The following WDR35 variants were observed in gnomAD, a reference collection of about 807,000 sequenced individuals.
The protein encoded by WDR35 is WD repeat domain 35.
Under a neutral mutation model 158.3 loss-of-function variants are expected in WDR35, and 118 were observed. The ratio of observed to expected loss-of-function variants is 0.75; its 90% CI spans 0.64 to 0.87. WDR35 has a LOEUF of 0.87. Ranked by LOEUF, WDR35 falls within the 40% of genes least tolerant of loss-of-function variation. WDR35 has a pLI of 0.00. For synonymous variants in WDR35, 448 were observed against 476.1 expected (o/e 0.94, Z 0.77); for missense variants, 1,263 against 1,405.8 (o/e 0.90, Z 1.62).
chr2:19,929,642 A>G (rs1477145322), intron 25 of WDR35, among the ~76,000 whole-genome samples: 2 of 152,242 alleles, frequency 1.3e-5, no homozygotes, highest in Non-Finnish European at 2.9e-5. Flanking sequence ...CAATTACAGT[A>G]TACAAATACC....
intron 5 of WDR35, among the ~76,000 whole-genome samples, 185 bp downstream of exon 5, chr2:19,978,566 A>G (rs771765905): frequency 6.6e-6 from 1 of 152,248 alleles, no homozygotes; most frequent in Non-Finnish European, 1.5e-5. Flanking sequence ...TTGAATATAC[A>G]TAAAAACAGA....
At chr2:19,960,069 C>T (rs1159557278) in intron 11 of WDR35, among the ~76,000 whole-genome samples, 1 of 151,994 alleles carries the variant, frequency 6.6e-6, no homozygotes, top group African/African-American at 2.4e-5. Context: ...TTAATAGACT[C>T]ATTTCATTAG....
At chr2:19,963,397 A>G (rs1572351862) in intron 10 of WDR35, among the ~76,000 whole-genome samples, 1 of 152,104 alleles carries the variant, frequency 6.6e-6, no homozygotes. Context: ...TTAGTCTTCT[A>G]TGGGCTTATT....
intron 2 of WDR35, among the ~76,000 whole-genome samples, chr2:19,986,629 G>A (rs1388825980): frequency 2.0e-5 from 3 of 152,332 alleles, no homozygotes; most frequent in East Asian, 3.9e-4. Flanking sequence ...GAGAGAAAAG[G>A]AGAGAGGACT....
intron 11 of WDR35, among the ~76,000 whole-genome samples, chr2:19,959,600 A>T (rs2103434468): frequency 6.6e-6 from 1 of 152,162 alleles, no homozygotes. Context: ...CCTAAGCCAT[A>T]GAGTATAAAG....
rs114877141 is a variant in WDR35, at chr2:19,953,800, T to C, written c.1400+34A>G. ...ATGTCTGACTTCAATGTGATATGGT[T>C]GAGCTACTAAAAAGTATGTATCAAA... On this transcript the variant is annotated intron_variant, in intron 12 of 26. Coordinates refer to ENST00000281405, the MANE Select transcript of WDR35 (RefSeq NM_020779.4). 3 of 1,612,404 alleles carry C rather than the reference T, an allele frequency of 1.9e-6. No homozygotes were observed. In the South Asian group the frequency reaches 3.3e-5, roughly 18 times the overall value.
chr2:19,956,716 G>T (rs1671450559), intron 11 of WDR35, among the ~76,000 whole-genome samples: 1 of 151,012 alleles, frequency 6.6e-6, no homozygotes, highest in Non-Finnish European at 1.5e-5. Context: ...CGCCTCCCGG[G>T]TTCACGCCAT....
chr2:19,953,796 T>C lies in WDR35; in HGVS notation c.1400+38A>G, dbSNP rs759093749. On this transcript the variant is annotated intron_variant, in intron 12 of 26. Transcript: ENST00000281405. ...TACTATGTCTGACTTCAATGTGATA[T>C]GGTTGAGCTACTAAAAAGTATGTAT... is the stretch of plus-strand genomic sequence containing the variant. The C allele has an allele frequency of 6.8e-6, 11 of 1,613,222 alleles. No individual in the cohort carries two copies. The African/African-American group carries it at 8.0e-5, about 12-fold the overall frequency.
chr2:19,960,215 A>G (rs1310000900), intron 11 of WDR35, among the ~76,000 whole-genome samples: 1 of 152,098 alleles, frequency 6.6e-6, no homozygotes, highest in African/African-American at 2.4e-5. Flanking sequence ...AGTTTATTAC[A>G]TACTAATCAT....
intron 9 of WDR35, among the ~76,000 whole-genome samples, chr2:19,968,162 G>A (rs560122002): frequency 4.3e-4 from 65 of 152,300 alleles, no homozygotes; most frequent in African/African-American, 1.5e-3. Context: ...GCACAGAACC[G>A]AAGTGCACTT....
chr2:19,924,278 T>C (rs1468267299), intron 25 of WDR35, among the ~76,000 whole-genome samples: 1 of 152,102 alleles, frequency 6.6e-6, no homozygotes, highest in African/African-American at 2.4e-5. Context: ...AAAAAGGTGA[T>C]TGCAGGCCGG....
intron 10 of WDR35, chr2:19,962,310 C>T (rs1298218377): frequency 6.2e-7 from 1 of 1,613,116 alleles, no homozygotes; most frequent in Non-Finnish European, 8.5e-7. Context: ...CACCAAATGT[C>T]TCCATCTCGT....
At position 19,912,799 on chromosome 2, in the gene WDR35, G is replaced by A. The variant is rs894678323; in HGVS notation, c.*759C>T. Reference sequence around the variant, plus strand: ...AAAAATCACTCCCTCAACAATACTTGTGTAAATAAACGGTCCAACTTAGTG... The same window carrying A: ...AAAAATCACTCCCTCAACAATACTTATGTAAATAAACGGTCCAACTTAGTG... On this transcript the variant is annotated 3_prime_UTR_variant, in exon 27 of 27. Transcript: ENST00000281405. The A allele has an allele frequency of 1.3e-5, 2 of 152,150 alleles. No individual in the cohort carries two copies. Among genetic ancestry groups the A allele is most frequent in the Admixed American group, 6.5e-5 (1 of 15,274 alleles). The allele number at this position is 152,150 out of a possible 1,614,324, so 9.4% of individuals were successfully genotyped here.
chr2:19,922,578 G>A (rs1670202450), intron 25 of WDR35, among the ~76,000 whole-genome samples: 1 of 149,270 alleles, frequency 6.7e-6, no homozygotes, highest in Non-Finnish European at 1.5e-5. Context: ...GGGGTGGGGG[G>A]CTGGGGGAGG....
At chr2:19,969,872 T>C (rs1039190729) in intron 8 of WDR35, among the ~76,000 whole-genome samples, 1 of 151,742 alleles carries the variant, frequency 6.6e-6, no homozygotes, top group African/African-American at 2.4e-5. Context: ...CTCAGCCTCC[T>C]GAGTAGCTGG....
intron 14 of WDR35, among the ~76,000 whole-genome samples, chr2:19,947,080 A>C (rs551285508): frequency 6.6e-6 from 1 of 152,232 alleles, no homozygotes; most frequent in Non-Finnish European, 1.5e-5. Flanking sequence ...GATACTATGA[A>C]TATTAGTTTA....
At chr2:19,970,239 C>T (rs2103449448) in intron 8 of WDR35, among the ~76,000 whole-genome samples, 1 of 152,190 alleles carries the variant, frequency 6.6e-6, no homozygotes, top group African/African-American at 2.4e-5. Context: ...AAGATGCCTC[C>T]TCATTTTAAA....
intron 25 of WDR35, among the ~76,000 whole-genome samples, chr2:19,915,752 T>C (rs907679450): frequency 1.3e-5 from 2 of 151,766 alleles, no homozygotes; most frequent in African/African-American, 4.8e-5. Flanking sequence ...AAACTACAAA[T>C]CTTTAGAAAC....
At position 19,935,710 on chromosome 2, in the gene WDR35, A is replaced by C. The variant is rs376653873; in HGVS notation, c.2415-107T>G. 16 of 1,277,494 alleles carry C rather than the reference A, an allele frequency of 1.3e-5. No homozygotes were observed. The African/African-American group carries it at 2.2e-4, about 18-fold the overall frequency. The allele number at this position is 1,277,494 out of a possible 1,614,324, so 79.1% of individuals were successfully genotyped here. On this transcript the variant is annotated intron_variant, in intron 20 of 26. Transcript: ENST00000281405. ...CATCATAATTCCCAGTACTAGTATT[A>C]CTGTTCATTATCTTCAGCTTCAGAA... is the stretch of plus-strand genomic sequence containing the variant.
Sources: gnomAD v4.1 joint callset for allele counts (sites outside exome capture counted in the v4.1 genomes callset) on GRCh38, gnomAD v4.1.1 for gene constraint, MANE v1.5 for transcripts, NCBI Gene and HGNC (gene_info 2026-07-23, HGNC 2026-07-21) for gene names.